Variants in DCBLD2 observed in about 807,000 individuals in gnomAD.
DCBLD2 encodes discoidin, CUB and LCCL domain containing 2.
Under a neutral mutation model 86.8 loss-of-function variants are expected in DCBLD2, and 54 were observed. That is an observed-to-expected ratio of 0.62 (90% CI 0.50 to 0.78). The LOEUF is 0.78. Among genes scored for constraint, DCBLD2 ranks in the 30% least tolerant of loss-of-function variants. The pLI is 0.00. For missense variants in DCBLD2, 908 were observed against 954.2 expected (o/e 0.95, Z 0.64); for synonymous variants, 354 against 341.3 (o/e 1.04, Z -0.41).
chr3:98,865,948 G>A (rs1471615782), intron 2 of DCBLD2, among the ~76,000 whole-genome samples: 1 of 147,386 alleles, frequency 6.8e-6, no homozygotes, highest in Non-Finnish European at 1.5e-5. Context: ...CTATGAGTGA[G>A]AACATGCGGT....
At chr3:98,871,744 T>C (rs1015709798) in intron 2 of DCBLD2, among the ~76,000 whole-genome samples, 1 of 152,168 alleles carries the variant, frequency 6.6e-6, no homozygotes, top group Non-Finnish European at 1.5e-5. Context: ...TCCTTGTTTG[T>C]TGTGTCTTTT....
chr3:98,839,145 T>TTC (rs1491562777), intron 3 of DCBLD2, among the ~76,000 whole-genome samples: 2 of 3,236 alleles, frequency 6.2e-4, no homozygotes, highest in Admixed American at 8.5e-3. Flanking sequence ...CCTTCCTTCC[T>TTC]TCTTTCTTTC....
intron 2 of DCBLD2, among the ~76,000 whole-genome samples, chr3:98,852,612 A>G (rs1438953872): frequency 6.6e-6 from 1 of 152,186 alleles, no homozygotes; most frequent in Admixed American, 6.5e-5. Context: ...TGTTACATAT[A>G]TGGCAAAACG....
In DCBLD2 at chr3:98,799,506, A is replaced by G; in HGVS notation, c.2194T>C (p.Tyr732His). ...GGCTTCCCAGCTTTCGGGGTATCAT[A>G]CTGGGCCTGGGCTGAGGAGCAGCTG... ...TDSCSSAQAQYDTPKAGKPGL... is the reference protein window; with the variant it reads ...TDSCSSAQAQHDTPKAGKPGL... The change falls in exon 16 of 16, where the codon TAT (tyrosine) becomes CAT (histidine). Residue 732 changes from tyrosine to histidine, a missense_variant. By Grantham distance (83) the Tyr-to-His change is moderately conservative. This residue lies in a region of DCBLD2 where 606 missense variants were observed against 678.5 expected (regional missense o/e 0.89). Coordinates refer to ENST00000326840, the MANE Select transcript of DCBLD2 (RefSeq NM_080927.4). The G allele has an allele frequency of 6.2e-7, 1 of 1,613,924 alleles. No homozygotes were observed. The highest frequency in any genetic ancestry group is 1.1e-5 in the South Asian group (1 of 91,074).
intron 1 of DCBLD2, among the ~76,000 whole-genome samples, chr3:98,887,324 G>C (rs1473889345): frequency 6.6e-6 from 1 of 151,932 alleles, no homozygotes; most frequent in Non-Finnish European, 1.5e-5. Context: ...GTTCAGAAGA[G>C]TAAGTTGCAA....
Position 98,882,336 on chromosome 3 carries a change from G to GA in DCBLD2, c.206-570dup. 1.3e-5 allele frequency among the ~76,000 whole-genome samples: 2 copies of GA among 152,044 alleles called. 1 individual carries two copies. Among genetic ancestry groups the GA allele is most frequent in the Middle Eastern group, 6.4e-3 (2 of 314 alleles). On this transcript the variant is annotated intron_variant, in intron 1 of 15. Coordinates refer to ENST00000326840, the MANE Select transcript of DCBLD2 (RefSeq NM_080927.4). ...AGAGCAACTTAATTGTTCAAAAAGT[G>GA]AATGTAAAATATAGAAATGTGGTCA...
Position 98,901,354 on chromosome 3 carries a change from G to C in DCBLD2, c.-28C>G. ...CGGCGGCCGGCAGTCTGCCTGCATA[G>C]TGCGGGTGCCTCGGCAGCCCCGCGC... On this transcript the variant is annotated 5_prime_UTR_variant, in exon 1 of 16. Transcript: ENST00000326840. 2.3e-6 allele frequency: 3 copies of C among 1,309,766 alleles called. No homozygotes were observed. Among genetic ancestry groups the C allele is most frequent in the African/African-American group, 3.1e-5 (2 of 64,536 alleles). The allele number at this position is 1,309,766 out of a possible 1,614,324, so 81.1% of individuals were successfully genotyped here.
At chr3:98,808,929 A>G (rs1350699358) in intron 12 of DCBLD2, among the ~76,000 whole-genome samples, 2 of 152,218 alleles carry the variant, frequency 1.3e-5, no homozygotes, top group African/African-American at 4.8e-5. Flanking sequence ...CCAAATGCCC[A>G]AAAATGAGAG....
At chr3:98,858,526 A>G (rs1942979814) in intron 2 of DCBLD2, among the ~76,000 whole-genome samples, 1 of 152,256 alleles carries the variant, frequency 6.6e-6, no homozygotes, top group Non-Finnish European at 1.5e-5. Context: ...AATGGAACAA[A>G]TATTAACATT....
At chr3:98,888,429 T>C (rs888772451) in intron 1 of DCBLD2, among the ~76,000 whole-genome samples, 1 of 152,036 alleles carries the variant, frequency 6.6e-6, no homozygotes, top group Non-Finnish European at 1.5e-5. Flanking sequence ...AATTTAAATG[T>C]CCTATCTACC....
intron 2 of DCBLD2, among the ~76,000 whole-genome samples, chr3:98,857,433 A>T (rs1942954038): frequency 6.6e-6 from 1 of 152,198 alleles, no homozygotes; most frequent in Non-Finnish European, 1.5e-5. Flanking sequence ...CCCAACCCAC[A>T]TTCTGCTGAT....
intron 3 of DCBLD2, 52 bp from the exon 4 acceptor site, chr3:98,825,418 G>A: frequency 7.5e-7 from 1 of 1,328,856 alleles, no homozygotes; most frequent in South Asian, 1.5e-5. Context: ...GGATTACCTT[G>A]CTGAAACTCC....
At chr3:98,867,119 A>G (rs1307842151) in intron 2 of DCBLD2, among the ~76,000 whole-genome samples, 1 of 152,162 alleles carries the variant, frequency 6.6e-6, no homozygotes, top group African/African-American at 2.4e-5. Context: ...GCCTTGTAGT[A>G]TAGTTTGAAG....
chr3:98,853,332 A>G (rs2107488762), intron 2 of DCBLD2, among the ~76,000 whole-genome samples: 1 of 564 alleles, frequency 1.8e-3, no homozygotes, highest in East Asian at 0.1. Flanking sequence ...ATCACAAGGA[A>G]AAAAAGGAAA....
In DCBLD2 at chr3:98,870,349, C is replaced by A. The variant is rs150163963; in HGVS notation, c.433+11191G>T. Reference sequence around the variant, plus strand: ...TACTGTGTTGATTACTGTAGCCTTGCAGTATAACTTAAAGATAGCTAATGT... The same window carrying A: ...TACTGTGTTGATTACTGTAGCCTTGAAGTATAACTTAAAGATAGCTAATGT... On this transcript the variant is annotated intron_variant, in intron 2 of 15. Coordinates refer to ENST00000326840, the MANE Select transcript of DCBLD2 (RefSeq NM_080927.4). Among the ~76,000 whole-genome samples, 1,068 of 152,264 alleles carry A rather than the reference C, an allele frequency of 7.0e-3. 8 individuals carry two copies. Among genetic ancestry groups the A allele is most frequent in the African/African-American group, 0.019 (799 of 41,558 alleles).
intron 2 of DCBLD2, among the ~76,000 whole-genome samples, chr3:98,869,205 T>G (rs1255159585): frequency 6.6e-6 from 1 of 152,230 alleles, no homozygotes; most frequent in African/African-American, 2.4e-5. Flanking sequence ...TGATGACTAG[T>G]GATGTTGAGC....
intron 2 of DCBLD2, among the ~76,000 whole-genome samples, chr3:98,876,873 T>G (rs1943381653): frequency 6.6e-6 from 1 of 152,184 alleles, no homozygotes; most frequent in Admixed American, 6.5e-5. Context: ...CACAGTGATT[T>G]CCAGAAAACA....
intron 1 of DCBLD2, among the ~76,000 whole-genome samples, chr3:98,899,986 C>T (rs1271969189): frequency 6.6e-6 from 1 of 152,152 alleles, no homozygotes; most frequent in Admixed American, 6.5e-5. Flanking sequence ...TTTTAGAAGA[C>T]GATCTAACTA....
chr3:98,841,983 T>G (rs752718055), intron 3 of DCBLD2, among the ~76,000 whole-genome samples: 1 of 152,186 alleles, frequency 6.6e-6, no homozygotes, highest in South Asian at 2.1e-4. Flanking sequence ...GAGAATCGCT[T>G]GAACCCGAGA....
Sources: allele counts gnomAD v4.1 joint callset (sites outside exome capture counted in the v4.1 genomes callset), GRCh38; gene constraint gnomAD v4.1.1; regional missense constraint gnomAD v4.1.1; transcripts MANE v1.5; gene names NCBI Gene and HGNC (gene_info 2026-07-23, HGNC 2026-07-21).